RANBP2: variants seen among roughly 807,000 people sequenced by gnomAD.
RANBP2 encodes RAN binding protein 2.
RANBP2 carries 57 observed loss-of-function variants against 303.6 expected under a neutral mutation model. That is an observed-to-expected ratio of 0.19 (90% CI 0.15 to 0.23). The LOEUF (loss-of-function observed/expected upper bound fraction) is 0.23. RANBP2 is among the 10% of genes least tolerant of loss of function. The probability of loss-of-function intolerance (pLI) is 1.00; values close to 1 mark genes in which losing one functional copy is unlikely to be tolerated. For synonymous variants in RANBP2, 1,167 were observed against 1,301.5 expected, an observed-to-expected ratio of 0.90 and a Z score of 2.23; for missense variants, 3,138 against 3,780.8, an observed-to-expected ratio of 0.83 and a Z score of 4.46.
the RANBP2 span, among the ~76,000 whole-genome samples, chr2:108,979,427 TC>T: frequency 2.2e-5 from 1 of 44,556 alleles, no homozygotes; most frequent in African/African-American, 5.8e-5. Flanking sequence ...TTGCTGTCTC[TC>T]TCTCTCTTTC....
At chr2:108,779,932 T>C (rs965325559) in intron 25 of RANBP2, among the ~76,000 whole-genome samples, 3 of 152,154 alleles carry the variant, frequency 2.0e-5, no homozygotes, top group Non-Finnish European at 4.4e-5. Context: ...TAAACATGTT[T>C]AGGCCATTGT....
At chr2:109,103,836 C>T in the RANBP2 span, among the ~76,000 whole-genome samples, 1 of 151,570 alleles carries the variant, frequency 6.6e-6, no homozygotes, top group Admixed American at 6.6e-5. Flanking sequence ...CTCTGTCGCC[C>T]AGGCTGGAGT....
the RANBP2 span, among the ~76,000 whole-genome samples, chr2:109,455,264 G>A: frequency 5.3e-4 from 81 of 152,282 alleles, no homozygotes; most frequent in East Asian, 0.015. Flanking sequence ...GCCTTGGGGG[G>A]AGAAAGGGCC....
chr2:109,756,431 AGTG>A, the RANBP2 span, among the ~76,000 whole-genome samples: 1 of 119,938 alleles, frequency 8.3e-6, no homozygotes. Flanking sequence ...AAAGAGACAA[AGTG>A]GCGTATGTGG....
chr2:108,874,803 C>G, the RANBP2 span, among the ~76,000 whole-genome samples: 1 of 152,072 alleles, frequency 6.6e-6, no homozygotes, highest in Non-Finnish European at 1.5e-5. Context: ...GCAGACTATA[C>G]CGTGATTCTC....
At chr2:109,338,542 A>G in the RANBP2 span, among the ~76,000 whole-genome samples, 1 of 152,092 alleles carries the variant, frequency 6.6e-6, no homozygotes, top group South Asian at 2.1e-4. Context: ...GGCACAGTCA[A>G]AAACCTGTGT....
chr2:109,636,833 G>A, the RANBP2 span, among the ~76,000 whole-genome samples: 1 of 152,210 alleles, frequency 6.6e-6, no homozygotes, highest in East Asian at 1.9e-4. Flanking sequence ...AGCTATTCAA[G>A]AGGCTGAAGG....
chr2:108,740,930 G>A (rs536819317), intron 7 of RANBP2, among the ~76,000 whole-genome samples: 36 of 152,130 alleles, frequency 2.4e-4, no homozygotes, highest in Non-Finnish European at 4.0e-4. Context: ...CAAATTTGAA[G>A]AGTTTGATCT....
At chr2:108,930,088 C>A in the RANBP2 span, 2 of 1,601,332 alleles carry the variant, frequency 1.2e-6, no homozygotes, top group East Asian at 2.2e-5. Flanking sequence ...CCCCTGAGAG[C>A]GCACCAGGCT....
the RANBP2 span, among the ~76,000 whole-genome samples, chr2:109,265,990 G>A: frequency 2.6e-5 from 4 of 152,222 alleles, no homozygotes; most frequent in South Asian, 2.1e-4. Flanking sequence ...GCTTATGTGC[G>A]CATGTGTGTC....
At chr2:109,341,606 C>T in the RANBP2 span, among the ~76,000 whole-genome samples, 266 of 152,290 alleles carry the variant, frequency 1.7e-3, 1 homozygote, top group African/African-American at 5.3e-3. Flanking sequence ...ATCAAGTTTC[C>T]TTTTTCTTAC....
At chr2:109,613,614 A>G in the RANBP2 span, 2 of 331,008 alleles carry the variant, frequency 6.0e-6, no homozygotes, top group African/African-American at 4.4e-5. Flanking sequence ...CAGGCTCCGC[A>G]GAGGCTCCTC....
the RANBP2 span, among the ~76,000 whole-genome samples, chr2:108,926,029 C>T: frequency 2.6e-5 from 4 of 152,192 alleles, no homozygotes; most frequent in African/African-American, 7.2e-5. Flanking sequence ...TTTTCTAGCA[C>T]GTATTGCTGC....
chr2:109,455,779 G>A, the RANBP2 span, among the ~76,000 whole-genome samples: 18 of 152,202 alleles, frequency 1.2e-4, no homozygotes, highest in Non-Finnish European at 5.9e-5. Flanking sequence ...TGCTGCCAGC[G>A]CTCATCCCAG....
At chr2:109,440,407 T>G in the RANBP2 span, among the ~76,000 whole-genome samples, 2 of 152,228 alleles carry the variant, frequency 1.3e-5, no homozygotes, top group Non-Finnish European at 2.9e-5. Flanking sequence ...GAGCAGAGCA[T>G]GGAGGTTCTT....
the RANBP2 span, among the ~76,000 whole-genome samples, chr2:109,078,356 A>G: frequency 7.0e-6 from 1 of 142,992 alleles, no homozygotes; most frequent in Non-Finnish European, 1.5e-5. Flanking sequence ...GAAGGAAGTT[A>G]TGCCATTTGC....
the RANBP2 span, among the ~76,000 whole-genome samples, chr2:109,694,813 G>A: frequency 6.6e-6 from 1 of 151,458 alleles, no homozygotes; most frequent in African/African-American, 2.4e-5. Context: ...GTGTGTGTGT[G>A]TGTGTGTGTG....
chr2:108,745,643 T>A (rs1363401925), intron 7 of RANBP2, among the ~76,000 whole-genome samples: 1 of 151,968 alleles, frequency 6.6e-6, no homozygotes, highest in Non-Finnish European at 1.5e-5. Flanking sequence ...TTTAATTTCC[T>A]GGTTGTCCCA....
intron 15 of RANBP2, 140 bp from the exon 16 acceptor site, chr2:108,754,765 C>T: frequency 8.1e-7 from 1 of 1,239,136 alleles, no homozygotes; most frequent in Non-Finnish European, 1.1e-6. Context: ...TTAAAAAACA[C>T]TTTCACGTGT....
Sources: allele counts gnomAD v4.1 joint callset (sites outside exome capture counted in the v4.1 genomes callset), GRCh38; gene constraint gnomAD v4.1.1; transcripts MANE v1.5; gene names NCBI Gene and HGNC (gene_info 2026-07-23, HGNC 2026-07-21).